Variants in RIC8B observed in about 807,000 individuals in gnomAD.
RIC8B encodes the protein RIC8 guanine nucleotide exchange factor B, also known as chaperone Ric-8B.
In RIC8B, 16 loss-of-function variants were observed where a neutral mutation model predicts 57.5. That is an observed-to-expected ratio of 0.28 (90% CI 0.19 to 0.42). The LOEUF is 0.42. Ranked by LOEUF, RIC8B falls within the 10% of genes least tolerant of loss-of-function variation. The pLI, the probability that RIC8B is intolerant of heterozygous loss-of-function variation, is 1.00. For synonymous variants in RIC8B, 216 were observed against 250.8 expected, an observed-to-expected ratio of 0.86 and a Z score of 1.31; for missense variants, 481 against 677.0, an observed-to-expected ratio of 0.71 and a Z score of 3.21.
chr12:106,774,868 C>T, intron 1 of RIC8B, 39 bp downstream of exon 1: 3 of 1,467,044 alleles, frequency 2.0e-6, no homozygotes, highest in Non-Finnish European at 1.8e-6. Context: ...TATCGCACCC[C>T]CGGGCCGCCC....
chr12:106,842,489 A>G (rs1948995113), intron 4 of RIC8B, 100 bp from the exon 5 acceptor site: 1 of 897,398 alleles, frequency 1.1e-6, no homozygotes, highest in South Asian at 1.8e-5. Context: ...AAATATTTTA[A>G]TTGACTCTTA....
chr12:106,851,414 C>G, intron 6 of RIC8B, 36 bp from the exon 7 acceptor site: 2 of 1,600,930 alleles, frequency 1.2e-6, no homozygotes, highest in Non-Finnish European at 1.7e-6. Context: ...CTCTAGTAGC[C>G]TCGATTGATG....
intron 3 of RIC8B, among the ~76,000 whole-genome samples, chr12:106,815,788 G>T (rs2045548951): frequency 6.6e-6 from 1 of 152,142 alleles, no homozygotes; most frequent in Admixed American, 6.5e-5. Context: ...CCAGTCTCTG[G>T]GAGGTTTCTC....
chr12:106,790,212 T>C (rs2044209607), intron 2 of RIC8B, among the ~76,000 whole-genome samples: 1 of 152,200 alleles, frequency 6.6e-6, no homozygotes, highest in Non-Finnish European at 1.5e-5. Flanking sequence ...CCTTCACTGC[T>C]CACTGCTCAA....
chr12:106,823,327 C>A, intron 3 of RIC8B: 1 of 402,470 alleles, frequency 2.5e-6, no homozygotes, highest in South Asian at 1.9e-5. Context: ...GCAAACAATC[C>A]AGGGATTTTG....
At chr12:106,808,922 A>G (rs897399356) in intron 2 of RIC8B, among the ~76,000 whole-genome samples, 8 of 152,194 alleles carry the variant, frequency 5.3e-5, no homozygotes, top group African/African-American at 1.7e-4. Context: ...CATATGCTTC[A>G]TAGCCTATTT....
chr12:106,870,883 A>T lies in RIC8B; in HGVS notation c.1512A>T (p.Thr504=). 6.5e-7 allele frequency: 1 copy of T among 1,548,970 alleles called. No homozygotes were observed. The highest frequency in any genetic ancestry group is 8.7e-7 in the Non-Finnish European group (1 of 1,145,060). Residue 504 remains threonine, a synonymous_variant, in exon 9 of 10, where the codon ACA becomes ACT. Coordinates refer to ENST00000392837, the MANE Select transcript of RIC8B (RefSeq NM_001330145.2). Reference sequence around the variant, plus strand: ...TGCCAAACCCCATAGATGAAATGACAGAAGAACAAAAAGAATATGAAGCCA... The same window carrying T: ...TGCCAAACCCCATAGATGAAATGACTGAAGAACAAAAAGAATATGAAGCCA... ...EPMPNPIDEM[T]EEQKEYEAMK... is the part of the protein sequence containing the mutation.
intron 2 of RIC8B, among the ~76,000 whole-genome samples, chr12:106,787,692 A>G (rs948157715): frequency 6.6e-6 from 1 of 152,126 alleles, no homozygotes; most frequent in Non-Finnish European, 1.5e-5. Context: ...CGATAAGCCC[A>G]TCAGATCCTG....
intron 8 of RIC8B, among the ~76,000 whole-genome samples, chr12:106,866,992 G>A (rs535247218): frequency 2.1e-4 from 32 of 152,270 alleles, no homozygotes; most frequent in African/African-American, 7.5e-4. Context: ...ACTCCTGTAG[G>A]TTGACTTTAG....
chr12:106,858,148 A>G (rs1387449635), intron 7 of RIC8B, among the ~76,000 whole-genome samples: 2 of 151,968 alleles, frequency 1.3e-5, no homozygotes, highest in Non-Finnish European at 2.9e-5. Flanking sequence ...GCTTTTCATA[A>G]CCTTTGCATT....
chr12:106,806,198 C>T (rs370044242), intron 2 of RIC8B, among the ~76,000 whole-genome samples: 56 of 152,274 alleles, frequency 3.7e-4, no homozygotes, highest in African/African-American at 1.0e-3. Flanking sequence ...CCGCCCACCT[C>T]GGCCTCCCAA....
intron 4 of RIC8B, among the ~76,000 whole-genome samples, chr12:106,840,514 T>G (rs1180044513): frequency 1.3e-5 from 2 of 152,152 alleles, no homozygotes; most frequent in Non-Finnish European, 2.9e-5. Flanking sequence ...TTTCATACAC[T>G]CTTCTACCAC....
At chr12:106,871,858 A>G (rs1370424098) in intron 9 of RIC8B, among the ~76,000 whole-genome samples, 1 of 152,222 alleles carries the variant, frequency 6.6e-6, no homozygotes, top group African/African-American at 2.4e-5. Flanking sequence ...TGAAAGGGAA[A>G]GGTGGAACAC....
chr12:106,842,657 A>G lies in RIC8B; in HGVS notation c.905A>G (p.His302Arg), dbSNP rs1269456337. Reference protein sequence around the residue: ...CLDVLICPLTHEETAQEATTL... With the variant: ...CLDVLICPLTREETAQEATTL... ...GATGTTCTCATTTGTCCGTTAACCCATGAAGAAACAGCCCAAGAGGCAACG... is the reference window on the plus strand; with the variant it reads ...GATGTTCTCATTTGTCCGTTAACCCGTGAAGAAACAGCCCAAGAGGCAACG... Residue 302 changes from histidine to arginine, a missense_variant, in exon 5 of 10, where the codon CAT becomes CGT. By Grantham distance (29) the His-to-Arg change is conservative. Coordinates refer to ENST00000392837, the MANE Select transcript of RIC8B (RefSeq NM_001330145.2). The G allele has an allele frequency of 3.7e-6, 6 of 1,614,026 alleles. No individual in the cohort carries two copies. The South Asian group carries it at 5.5e-5, about 15-fold the overall frequency.
Position 106,887,898 on chromosome 12 carries a change from G to A in RIC8B, c.*1883G>A, listed in dbSNP as rs1951247446. On this transcript the variant is annotated 3_prime_UTR_variant, in exon 10 of 10. Transcript: ENST00000392837. ...ATTAAATCCAGAACGCTTTATAAAA[G>A]GGTAGGAAGAAGACAATAGATGTTA... 1 of 152,482 alleles carries A rather than the reference G, an allele frequency of 6.6e-6. No individual in the cohort carries two copies. Among genetic ancestry groups the A allele is most frequent in the Admixed American group, 6.6e-5 (1 of 15,264 alleles). The allele number at this position is 152,482 out of a possible 1,614,324, so 9.4% of individuals were successfully genotyped here.
intron 2 of RIC8B, among the ~76,000 whole-genome samples, chr12:106,787,251 T>C (rs1018220137): frequency 2.0e-5 from 3 of 152,308 alleles, no homozygotes; most frequent in South Asian, 4.1e-4. Context: ...TCTTCATTAA[T>C]GGGAAAACAT....
In RIC8B at chr12:106,814,797, G is replaced by T. The variant is rs746556829; in HGVS notation, c.234G>T (p.Lys78Asn). ...EVLRILSRDKKVLVPVTTKEN... is the reference protein window; with the variant it reads ...EVLRILSRDKNVLVPVTTKEN... Reference sequence around the variant, plus strand: ...TCCGCATTCTCTCCAGAGACAAAAAGGTTTTAGTTCCTGTGACAACTAAGG... The same window carrying T: ...TCCGCATTCTCTCCAGAGACAAAAATGTTTTAGTTCCTGTGACAACTAAGG... Residue 78 changes from lysine (K) to asparagine (N), a missense_variant, in exon 3 of 10, where the codon AAG (lysine) becomes AAT (asparagine). Physicochemically the swap from Lys to Asn is moderately conservative, Grantham distance 94 (BLOSUM62 0). Around this residue, in one of 3 missense-constraint regions of RIC8B, gnomAD observed 421 missense variants for 560.9 expected, o/e 0.75. Transcript: ENST00000392837. 1 of 1,614,190 alleles carries T rather than the reference G, an allele frequency of 6.2e-7. No homozygotes were observed. Among genetic ancestry groups the T allele is most frequent in the Non-Finnish European group, 8.5e-7 (1 of 1,180,022 alleles).
intron 9 of RIC8B, among the ~76,000 whole-genome samples, chr12:106,871,966 A>G (rs138232849): frequency 6.6e-6 from 1 of 152,328 alleles, no homozygotes; most frequent in Admixed American, 6.5e-5. Flanking sequence ...ATGGATATTT[A>G]TCCACGCTGC....
At position 106,868,216 on chromosome 12, in the gene RIC8B, AT is replaced by A. The variant is rs571101532; in HGVS notation, c.1452-2600del. 4.2e-5 allele frequency: 19 copies of A among 448,462 alleles called. No individual in the cohort carries two copies. The East Asian group carries it at 1.1e-3, about 26-fold the overall frequency. The allele number at this position is 448,462 out of a possible 1,614,324, so 27.8% of individuals were successfully genotyped here. On this transcript the variant is annotated intron_variant, in intron 8 of 9. Transcript: ENST00000392837. ...CTTACCAGTGTGTCCTCCTGATTTC[AT>A]TTTTTTCCCTGAAGCATGTGATCAT...
Sources: allele counts gnomAD v4.1 joint callset (sites outside exome capture counted in the v4.1 genomes callset), GRCh38; gene constraint gnomAD v4.1.1; regional missense constraint gnomAD v4.1.1; transcripts MANE v1.5; gene names NCBI Gene and HGNC (gene_info 2026-07-23, HGNC 2026-07-21).